The following NAPB variants were observed in gnomAD, a reference collection of about 807,000 sequenced individuals.
NAPB encodes the protein beta-soluble NSF attachment protein.
Under a neutral mutation model 44.7 loss-of-function variants are expected in NAPB, and 26 were observed. That is an observed-to-expected ratio of 0.58 (90% confidence interval 0.43 to 0.81). The LOEUF is 0.81. NAPB is among the 30% of genes least tolerant of loss of function. The probability of loss-of-function intolerance (pLI) is 0.00; values close to 1 mark genes in which losing one functional copy is unlikely to be tolerated. For missense variants in NAPB, 315 were observed against 356.4 expected, an observed-to-expected ratio of 0.88 and a Z score of 0.94; for synonymous variants, 120 against 116.8, an observed-to-expected ratio of 1.03 and a Z score of -0.18.
intron 1 of NAPB, among the ~76,000 whole-genome samples, chr20:23,418,706 G>C (rs995260360): frequency 6.6e-6 from 1 of 152,024 alleles, no homozygotes; most frequent in South Asian, 2.1e-4. Context: ...GGGAGGCCAA[G>C]GCAGGTGGAT....
At chr20:23,389,748 C>T (rs1430198645) in intron 7 of NAPB, among the ~76,000 whole-genome samples, 198 bp downstream of exon 7, 1 of 152,098 alleles carries the variant, frequency 6.6e-6, no homozygotes, top group Non-Finnish European at 1.5e-5. Flanking sequence ...GACTGCTGGG[C>T]TTCTTTTGGG....
chr20:23,378,618 T>C (rs1263616755), intron 10 of NAPB, among the ~76,000 whole-genome samples: 1 of 148,940 alleles, frequency 6.7e-6, no homozygotes, highest in Non-Finnish European at 1.5e-5. Context: ...ATTTTTGTAT[T>C]TTTAGTAAAG....
At chr20:23,389,834 T>C (rs938291635) in intron 7 of NAPB, 112 bp downstream of exon 7, 2 of 851,448 alleles carry the variant, frequency 2.3e-6, no homozygotes, top group Non-Finnish European at 3.8e-6. Context: ...ACCGCTGAAC[T>C]GTACTCATTA....
intron 7 of NAPB, among the ~76,000 whole-genome samples, chr20:23,385,255 T>C (rs1470872802): frequency 6.6e-6 from 1 of 152,084 alleles, no homozygotes; most frequent in South Asian, 2.1e-4. Flanking sequence ...GGCAGGGCTA[T>C]AAAGTGGATA....
At chr20:23,410,239 G>T (rs2424545) in intron 1 of NAPB, among the ~76,000 whole-genome samples, 1 of 151,862 alleles carries the variant, frequency 6.6e-6, no homozygotes, top group Non-Finnish European at 1.5e-5. Context: ...TAAAGAAACC[G>T]CACTTAACTG....
rs932997169 is a variant in NAPB, at chr20:23,421,396, T to G, written c.7A>C (p.Asn3His). Residue 3 changes from asparagine to histidine, a missense_variant, in exon 1 of 11, where the codon AAC (asparagine) becomes CAC (histidine). Around this residue, in one of 3 missense-constraint regions of NAPB, gnomAD observed 179 missense variants for 182.5 expected, o/e 0.98. Coordinates refer to ENST00000377026, the MANE Select transcript of NAPB (RefSeq NM_022080.3). ...ACTGCCTCACGCTCCTTCCCCGCGT[T>G]GTCCATGTCGCCCGCCGCGGCCGCC... MD[N>H]AGKEREAVQL... The G allele has an allele frequency of 3.2e-6, 5 of 1,545,366 alleles. No homozygotes were observed. The South Asian group carries it at 6.0e-5, about 18-fold the overall frequency.
chr20:23,379,824 A>G, intron 9 of NAPB, 43 bp downstream of exon 9: 1 of 1,487,564 alleles, frequency 6.7e-7, no homozygotes, highest in Non-Finnish European at 9.4e-7. Flanking sequence ...TTGTCACCTA[A>G]CAGAACAAAA....
intron 2 of NAPB, among the ~76,000 whole-genome samples, chr20:23,398,177 T>C (rs1395206680): frequency 2.0e-5 from 3 of 151,864 alleles, no homozygotes; most frequent in Admixed American, 6.6e-5. Flanking sequence ...CACAGCAGAG[T>C]GCCTCTGAAA....
intron 1 of NAPB, among the ~76,000 whole-genome samples, chr20:23,414,362 C>T (rs1568623203): frequency 6.6e-6 from 1 of 152,122 alleles, no homozygotes; most frequent in Admixed American, 6.5e-5. Context: ...ATGGAATCTA[C>T]ATTTAAAAAT....
At chr20:23,389,813 A>G (rs1428289916) in intron 7 of NAPB, 133 bp downstream of exon 7, 1 of 696,048 alleles carries the variant, frequency 1.4e-6, no homozygotes, top group Non-Finnish European at 2.5e-6. Context: ...AACTTTGTGA[A>G]CAGACTAAAA....
At chr20:23,386,521 T>C (rs183788583) in intron 7 of NAPB, among the ~76,000 whole-genome samples, 18 of 152,268 alleles carry the variant, frequency 1.2e-4, no homozygotes, top group Admixed American at 9.2e-4. Context: ...TTTATGAACA[T>C]AGACATAAAA....
intron 6 of NAPB, 77 bp downstream of exon 6, chr20:23,390,132 T>C (rs1983841777): frequency 6.6e-7 from 1 of 1,513,966 alleles, no homozygotes. Flanking sequence ...TCAAATACAC[T>C]CACAAAGTAT....
intron 7 of NAPB, among the ~76,000 whole-genome samples, chr20:23,389,735 A>AT (rs1983813182): frequency 6.6e-6 from 1 of 152,246 alleles, no homozygotes. Flanking sequence ...GGAGGAAAGA[A>AT]TAGACTGCTG....
chr20:23,407,502 C>T (rs1014661019), intron 1 of NAPB, among the ~76,000 whole-genome samples: 67 of 152,042 alleles, frequency 4.4e-4, no homozygotes, highest in African/African-American at 1.3e-3. Flanking sequence ...TTTTCCCCAC[C>T]GTGAAAGAAA....
intron 8 of NAPB, chr20:23,380,936 C>G (rs908850536): frequency 3.3e-6 from 1 of 301,654 alleles, no homozygotes; most frequent in African/African-American, 2.2e-5. Flanking sequence ...GCCCCCCATT[C>G]AAGTACCAGG....
intron 1 of NAPB, among the ~76,000 whole-genome samples, chr20:23,417,731 G>C (rs1217376632): frequency 6.6e-6 from 1 of 152,038 alleles, no homozygotes; most frequent in Admixed American, 6.6e-5. Flanking sequence ...GGGCAATTAA[G>C]CAGAAACACA....
intron 1 of NAPB, among the ~76,000 whole-genome samples, chr20:23,420,860 G>C (rs1391024944): frequency 6.6e-6 from 1 of 151,342 alleles, no homozygotes; most frequent in African/African-American, 2.4e-5. Context: ...GGGGAGCTCT[G>C]GGGGTCCTAG....
chr20:23,397,415 A>T (rs149338024), intron 2 of NAPB, among the ~76,000 whole-genome samples: 1 of 152,356 alleles, frequency 6.6e-6, no homozygotes, highest in East Asian at 1.9e-4. Flanking sequence ...CAGACTTTCC[A>T]AGTGTCCCTG....
intron 1 of NAPB, among the ~76,000 whole-genome samples, chr20:23,415,265 C>T (rs960651287): frequency 2.6e-5 from 4 of 152,046 alleles, no homozygotes; most frequent in East Asian, 1.9e-4. Context: ...AGTGAGATTA[C>T]GTAAAAAGAA....
Sources: allele counts gnomAD v4.1 joint callset (sites outside exome capture counted in the v4.1 genomes callset), GRCh38; gene constraint gnomAD v4.1.1; regional missense constraint gnomAD v4.1.1; transcripts MANE v1.5; gene names NCBI Gene and HGNC (gene_info 2026-07-23, HGNC 2026-07-21).